The following ZNF263 variants were observed in gnomAD, a reference collection of about 807,000 sequenced individuals.
ZNF263 encodes the protein zinc finger protein 263.
In ZNF263, 49 loss-of-function variants were observed where a neutral mutation model predicts 63.1. That is an observed-to-expected ratio of 0.78 (90% CI 0.62 to 0.99). The LOEUF is 0.99. Ranked by LOEUF, ZNF263 falls within the 50% of genes least tolerant of loss-of-function variation. ZNF263 has a pLI of 0.00. For missense variants in ZNF263, 872 were observed against 854.8 expected (o/e 1.02, Z -0.25); for synonymous variants, 352 against 324.2 (o/e 1.09, Z -0.92).
chr16:3,287,496 T>TA (rs1959420420), intron 4 of ZNF263, among the ~76,000 whole-genome samples: 1 of 150,862 alleles, frequency 6.6e-6, no homozygotes, highest in African/African-American at 2.4e-5. Flanking sequence ...CTTCCTGCCT[T>TA]AGTCAGGAAG....
chr16:3,298,100 G>A lies in ZNF263; in HGVS notation c.152-1006G>A, dbSNP rs940241174. Among the ~76,000 whole-genome samples the A allele has an allele frequency of 7.2e-4, 109 of 152,158 alleles. 1 individual carries two copies. The highest frequency in any genetic ancestry group is 4.6e-4 in the Non-Finnish European group (31 of 68,020). ...CTGATACGTTACATCCCCTGGTGGA[G>A]TATTAAAAAACCATCAAATGTGAGG... On this transcript the variant is annotated intron_variant, in intron 1 of 2. Coordinates refer to the ZNF263 transcript ENST00000574674.
At chr16:3,299,579 G>GCTT (rs1567258406) in intron 2 of ZNF263, 4 of 1,539,754 alleles carry the variant, frequency 2.6e-6, no homozygotes. Context: ...TCTTCAAGTT[G>GCTT]CTTCCATCTA....
chr16:3,289,940 C>T lies in ZNF263; in HGVS notation c.1434C>T (p.His478=), dbSNP rs753342491. ...GKCFSCNSNL[H]RHQRTHTGEK... is the part of the protein sequence containing the mutation. ...GTTTCTCCTGCAACTCCAACCTCCACAGGCACCAGAGAACGCACACTGGGG... is the reference window on the plus strand; with the variant it reads ...GTTTCTCCTGCAACTCCAACCTCCATAGGCACCAGAGAACGCACACTGGGG... Residue 478 remains histidine, a synonymous_variant, in exon 6 of 6, where the codon CAC becomes CAT. Transcript: ENST00000219069. 6.2e-6 allele frequency: 10 copies of T among 1,614,008 alleles called. No individual in the cohort carries two copies. Among genetic ancestry groups the T allele is most frequent in the African/African-American group, 1.3e-5 (1 of 74,920 alleles).
downstream of ZNF263, chr16:3,293,173 A>C (rs1959659039): frequency 6.6e-6 from 1 of 152,226 alleles, no homozygotes; most frequent in Non-Finnish European, 1.5e-5. Flanking sequence ...AAGTGCTTGC[A>C]TCATGGGGAC....
chr16:3,285,294 C>A, intron 2 of ZNF263, 55 bp downstream of exon 2: 1 of 1,531,022 alleles, frequency 6.5e-7, no homozygotes, highest in Non-Finnish European at 8.9e-7. Flanking sequence ...GGGGTTGCCC[C>A]CGACACTAGC....
At position 3,286,130 on chromosome 16, in the gene ZNF263, T is replaced by C. The variant is rs1350872318; in HGVS notation, c.750T>C (p.Tyr250=). The C allele has an allele frequency of 1.3e-6, 2 of 1,599,546 alleles. No individual in the cohort carries two copies. The highest frequency in any genetic ancestry group is 3.6e-5 in the Admixed American group (2 of 55,060). ...ALSRDTVQES[Y]ENVDSLESHI... is the part of the protein sequence containing the mutation. ...CCAGGGACACGGTGCAGGAGAGTTA[T>C]GAGAATGTGGACTCACTGGGTAAGG... Residue 250 remains tyrosine (Y), a synonymous_variant, in exon 4 of 6, where the codon TAT becomes TAC. Transcript: ENST00000219069.
downstream of ZNF263, chr16:3,292,891 A>G (rs1959648657): frequency 6.6e-6 from 1 of 152,272 alleles, no homozygotes; most frequent in South Asian, 2.1e-4. Flanking sequence ...AAGCAGCACT[A>G]TGCCTGGCAT....
At chr16:3,287,300 C>T (rs1000360526) in intron 4 of ZNF263, among the ~76,000 whole-genome samples, 1 of 151,398 alleles carries the variant, frequency 6.6e-6, no homozygotes, top group Admixed American at 6.6e-5. Context: ...TTAGTAGAGA[C>T]AGGATTTCTC....
chr16:3,286,173 G>A (rs1309433911), intron 4 of ZNF263, 24 bp downstream of exon 4: 5 of 1,572,742 alleles, frequency 3.2e-6, no homozygotes, highest in Non-Finnish European at 4.3e-6. Flanking sequence ...TTCCAGGGAT[G>A]ATGACTGCGC....
chr16:3,289,110 C>T (rs1959497278), intron 5 of ZNF263, among the ~76,000 whole-genome samples: 2 of 152,224 alleles, frequency 1.3e-5, no homozygotes, highest in Admixed American at 6.5e-5. Flanking sequence ...TCCCACCCTA[C>T]TCTCAGCCCT....
exon 3 of ZNF263, chr16:3,301,095 A>G (rs1428568968): frequency 5.9e-6 from 1 of 169,316 alleles, no homozygotes; most frequent in Non-Finnish European, 1.4e-5. Context: ...AAAGGCAATG[A>G]CAGAGTAATC....
Position 3,285,821 on chromosome 16 carries a change from T to C in ZNF263, c.642+67T>C, listed in dbSNP as rs923988381. 2.5e-5 allele frequency: 39 copies of C among 1,580,400 alleles called. No individual in the cohort carries two copies. The African/African-American group carries it at 4.0e-4, about 16-fold the overall frequency. On this transcript the variant is annotated intron_variant, in intron 3 of 5. Transcript: ENST00000219069. ...TCCCCTGAGTGTTGGGGGTGGGGGT[T>C]CTCCATGTGGAAGGTCCTTTGTCCC...
downstream of ZNF263, among the ~76,000 whole-genome samples, chr16:3,292,351 T>C (rs1226749132): frequency 6.6e-6 from 1 of 152,206 alleles, no homozygotes; most frequent in Non-Finnish European, 1.5e-5. Context: ...TTTTTTAATA[T>C]CTCACTATTT....
Position 3,288,476 on chromosome 16 carries a change from G to C in ZNF263, c.792G>C (p.Glu264Asp), listed in dbSNP as rs1959464839. The C allele has an allele frequency of 6.2e-7, 1 of 1,612,182 alleles. No individual in the cohort carries two copies. Among genetic ancestry groups the C allele is most frequent in the Non-Finnish European group, 8.5e-7 (1 of 1,178,944 alleles). The change falls in exon 5 of 6, where the codon GAG becomes GAC. Residue 264 changes from glutamate to aspartate, a missense_variant. Physicochemically the swap from Glu to Asp is conservative, Grantham distance 45. Transcript: ENST00000219069. ...CAGAGTCTCACATTCCCAGTCAGGA[G>C]GTCCCAGGCACCCAGGTGGGACAAG... ...DSLESHIPSQEVPGTQVGQGG... is the reference protein window; with the variant it reads ...DSLESHIPSQDVPGTQVGQGG...
rs1007710712 is a variant in ZNF263 at position 3,290,871 on chromosome 16, G to C, written c.*313G>C. On this transcript the variant is annotated 3_prime_UTR_variant, in exon 6 of 6. Coordinates refer to ENST00000219069, the MANE Select transcript of ZNF263 (RefSeq NM_005741.5). ...CAAGGTGCGATTTGGGCACCTGACT[G>C]TCCAGTTTACCTTAACAAGTTTGGG... is the stretch of plus-strand genomic sequence containing the variant. 59 of 1,086,390 alleles carry C rather than the reference G, an allele frequency of 5.4e-5. No homozygotes were observed. Among genetic ancestry groups the C allele is most frequent in the Non-Finnish European group, 6.6e-5 (59 of 892,460 alleles). The allele number at this position is 1,086,390 out of a possible 1,614,324, so 67.3% of individuals were successfully genotyped here.
Position 3,290,780 on chromosome 16 carries a change from G to C in ZNF263, c.*222G>C. On this transcript the variant is annotated 3_prime_UTR_variant, in exon 6 of 6. Coordinates refer to ENST00000219069, the MANE Select transcript of ZNF263 (RefSeq NM_005741.5). ...ATGGCAAGTCTCTGAGGTGACCTCA[G>C]GGTGGAATTCTCTGTTAAGTCCACC... is the stretch of plus-strand genomic sequence containing the variant. 1 of 1,348,160 alleles carries C rather than the reference G, an allele frequency of 7.4e-7. No homozygotes were observed. The highest frequency in any genetic ancestry group is 9.5e-7 in the Non-Finnish European group (1 of 1,052,652). 83.5% of individuals were successfully genotyped at this position (1,348,160 alleles called of 1,614,324 possible). A position where few individuals can be genotyped will look rare whatever the true frequency, so the allele number is the denominator to read the frequency against.
chr16:3,299,756 C>T lies in ZNF263; in HGVS notation c.*46+600C>T, dbSNP rs372569655. The T allele has an allele frequency of 1.8e-5, 28 of 1,547,174 alleles. 1 individual carries two copies. Among genetic ancestry groups the T allele is most frequent in the Middle Eastern group, 1.7e-4 (1 of 5,730 alleles). ...AGAAGTAACAATGCCCTGACGTCCT[C>T]GTCATGAAATCTTAGAACATTAAGT... On this transcript the variant is annotated intron_variant, in intron 2 of 2. Transcript: ENST00000574674.
Position 3,290,072 on chromosome 16 carries a change from G to A in ZNF263, c.1566G>A (p.Glu522=). The A allele has an allele frequency of 6.2e-7, 1 of 1,614,194 alleles. No individual in the cohort carries two copies. The highest frequency in any genetic ancestry group is 1.1e-5 in the South Asian group (1 of 91,086). ...GAGAGCGACCTTATAAGTGTCCCGAGTGTGGGAAAAGTTTCTCTCGGAGTT... is the reference window on the plus strand; with the variant it reads ...GAGAGCGACCTTATAAGTGTCCCGAATGTGGGAAAAGTTTCTCTCGGAGTT... ...HTGERPYKCP[E]CGKSFSRSSH... The change falls in exon 6 of 6, where the codon GAG becomes GAA. Residue 522 remains glutamate (E), a synonymous_variant. Coordinates refer to ENST00000219069, the MANE Select transcript of ZNF263 (RefSeq NM_005741.5).
At chr16:3,287,176 A>T (rs577730697) in intron 4 of ZNF263, among the ~76,000 whole-genome samples, 3 of 152,162 alleles carry the variant, frequency 2.0e-5, no homozygotes, top group African/African-American at 7.2e-5. Context: ...TGCAAACGCA[A>T]TCTTGCTCAC....
Sources: allele counts gnomAD v4.1 joint callset (sites outside exome capture counted in the v4.1 genomes callset), GRCh38; gene constraint gnomAD v4.1.1; transcripts MANE v1.5; gene names NCBI Gene and HGNC (gene_info 2026-07-23, HGNC 2026-07-21).